TUSC3: variants seen among roughly 807,000 people sequenced by gnomAD.
TUSC3 encodes the protein dolichyl-diphosphooligosaccharide--protein glycosyltransferase subunit TUSC3.
In TUSC3, 45 loss-of-function variants were observed where a neutral mutation model predicts 44.8. The ratio of observed to expected loss-of-function variants is 1.00; its 90% CI spans 0.79 to 1.29. The LOEUF is 1.29. TUSC3 is among the 50% of genes most tolerant of loss of function. The probability of loss-of-function intolerance (pLI) is 0.00; values close to 1 mark genes in which losing one functional copy is unlikely to be tolerated. For missense variants in TUSC3, 519 were observed against 437.9 expected, an observed-to-expected ratio of 1.19 and a Z score of -1.65; for synonymous variants, 212 against 152.9, an observed-to-expected ratio of 1.39 and a Z score of -2.85.
At chr8:15,465,964 C>G (rs1414434587) in intron 1 of TUSC3, among the ~76,000 whole-genome samples, 1 of 152,068 alleles carries the variant, frequency 6.6e-6, no homozygotes, top group Non-Finnish European at 1.5e-5. Context: ...TAATTTAATC[C>G]AAGTGTTTGA....
chr8:15,785,603 C>A, the TUSC3 span, among the ~76,000 whole-genome samples: 2 of 152,060 alleles, frequency 1.3e-5, no homozygotes, highest in African/African-American at 4.8e-5. Context: ...TTGAAAACTG[C>A]GCAATCTGAG....
chr8:15,499,477 A>G (rs1210753771), intron 2 of TUSC3, among the ~76,000 whole-genome samples: 3 of 152,284 alleles, frequency 2.0e-5, no homozygotes, highest in Admixed American at 6.5e-5. Context: ...TCTGATATCT[A>G]TCACTACAGA....
At chr8:15,718,123 T>C (rs1179866934) in intron 6 of TUSC3, among the ~76,000 whole-genome samples, 1 of 152,120 alleles carries the variant, frequency 6.6e-6, no homozygotes, top group Admixed American at 6.6e-5. Context: ...AGTTTTCAAA[T>C]GTTTGTGAGT....
At chr8:15,819,637 CT>C in the TUSC3 span, among the ~76,000 whole-genome samples, 19,131 of 152,142 alleles carry the variant, frequency 0.13, 1,283 homozygotes, top group Admixed American at 0.21. Flanking sequence ...ACTTGTAAGT[CT>C]TTTGATGCCT....
chr8:15,663,371 T>C (rs1045003498), intron 5 of TUSC3, among the ~76,000 whole-genome samples: 44 of 151,896 alleles, frequency 2.9e-4, no homozygotes, highest in Admixed American at 1.3e-4. Context: ...CATAACAGAT[T>C]GTTTACAGCT....
intron 3 of TUSC3, among the ~76,000 whole-genome samples, chr8:15,652,398 G>A (rs1212415681): frequency 3.3e-5 from 5 of 151,992 alleles, no homozygotes; most frequent in Admixed American, 6.6e-5. Flanking sequence ...TTCTGTTAGT[G>A]TTCTTCACTT....
chr8:15,834,821 C>T, the TUSC3 span, among the ~76,000 whole-genome samples: 1 of 152,064 alleles, frequency 6.6e-6, no homozygotes, highest in Admixed American at 6.6e-5. Flanking sequence ...CCTTGAACAA[C>T]AAGGGTTTTT....
At chr8:15,740,893 TA>T (rs1811165176) in intron 7 of TUSC3, among the ~76,000 whole-genome samples, 1 of 152,146 alleles carries the variant, frequency 6.6e-6, no homozygotes, top group African/African-American at 2.4e-5. Flanking sequence ...ATCAGTAAGA[TA>T]AAGCAATAAA....
intron 9 of TUSC3, among the ~76,000 whole-genome samples, chr8:15,752,597 A>G (rs1463641025): frequency 6.6e-6 from 1 of 152,136 alleles, no homozygotes; most frequent in Non-Finnish European, 1.5e-5. Context: ...CATGGAGATC[A>G]TATCACTGAA....
chr8:15,851,089 G>T, the TUSC3 span, among the ~76,000 whole-genome samples: 330 of 152,336 alleles, frequency 2.2e-3, 3 homozygotes, highest in Non-Finnish European at 1.7e-3. Flanking sequence ...ACGCTTTTCG[G>T]AAGGTAACAC....
intron 5 of TUSC3, among the ~76,000 whole-genome samples, chr8:15,662,507 T>G (rs565904575): frequency 1.3e-5 from 2 of 152,100 alleles, no homozygotes; most frequent in Admixed American, 6.6e-5. Flanking sequence ...GTACTGTCCC[T>G]CTGTACTTGG....
chr8:15,569,389 T>C (rs1013222930), intron 1 of TUSC3, among the ~76,000 whole-genome samples: 1 of 152,146 alleles, frequency 6.6e-6, no homozygotes, highest in Non-Finnish European at 1.5e-5. Context: ...TCAGAGAGTT[T>C]CCTCGTGAAT....
At position 15,662,309 on chromosome 8, in the gene TUSC3, A is replaced by T; in HGVS notation, c.708+13A>T. 6.2e-7 allele frequency: 1 copy of T among 1,612,386 alleles called. No individual in the cohort carries two copies. The highest frequency in any genetic ancestry group is 8.5e-7 in the Non-Finnish European group (1 of 1,178,738). ...CATGGTGTCTCTGGTATGTTAATACATTGTGCTTTTTTTATTTCCTGTTCT... is the reference window on the plus strand; with the variant it reads ...CATGGTGTCTCTGGTATGTTAATACTTTGTGCTTTTTTTATTTCCTGTTCT... On this transcript the variant is annotated intron_variant, in intron 5 of 10. Transcript: ENST00000503731.
At chr8:15,818,716 T>G in the TUSC3 span, among the ~76,000 whole-genome samples, 1 of 152,178 alleles carries the variant, frequency 6.6e-6, no homozygotes, top group Non-Finnish European at 1.5e-5. Flanking sequence ...GACTGGGAGG[T>G]ATGCTTCAAA....
chr8:15,702,543 T>A (rs972234904), intron 6 of TUSC3, among the ~76,000 whole-genome samples: 1 of 152,108 alleles, frequency 6.6e-6, no homozygotes, highest in Non-Finnish European at 1.5e-5. Flanking sequence ...GTACTCTCTT[T>A]CTAGGCAACC....
At chr8:15,680,368 G>A (rs1159710932) in intron 6 of TUSC3, among the ~76,000 whole-genome samples, 1 of 151,794 alleles carries the variant, frequency 6.6e-6, no homozygotes, top group African/African-American at 2.4e-5. Flanking sequence ...TGGCAGTTGT[G>A]AATAAGAATG....
intron 2 of TUSC3, among the ~76,000 whole-genome samples, chr8:15,485,197 C>T (rs1800717917): frequency 6.6e-6 from 1 of 152,170 alleles, no homozygotes; most frequent in African/African-American, 2.4e-5. Context: ...AGGACACCCT[C>T]ACCAAGTTCC....
rs149513380 is a variant in TUSC3 at position 15,680,956 on chromosome 8, T to C, written c.798+7120T>C. Among the ~76,000 whole-genome samples, 1,064 of 152,238 alleles carry C rather than the reference T, an allele frequency of 7.0e-3. 2 individuals carry two copies. The highest frequency in any genetic ancestry group is 0.012 in the Non-Finnish European group (812 of 67,986). ...TCCTTGATTATAGTGAATTAAACCT[T>C]TGAATGTGCTGTTGGATTCAATTTG... On this transcript the variant is annotated intron_variant, in intron 6 of 10. Transcript: ENST00000503731.
At chr8:15,555,988 T>A (rs535157675) in intron 1 of TUSC3, among the ~76,000 whole-genome samples, 4 of 150,992 alleles carry the variant, frequency 2.6e-5, no homozygotes, top group African/African-American at 9.7e-5. Flanking sequence ...TCAATTTTAT[T>A]TTTTATTTTT....
Sources: gnomAD v4.1 joint callset for allele counts (sites outside exome capture counted in the v4.1 genomes callset) on GRCh38, gnomAD v4.1.1 for gene constraint, MANE v1.5 for transcripts, NCBI Gene and HGNC (gene_info 2026-07-23, HGNC 2026-07-21) for gene names.